The following UGT2B11 variants were observed in gnomAD, a reference collection of about 807,000 sequenced individuals.
UGT2B11 encodes the protein UDP glucuronosyltransferase family 2 member B11.
A neutral mutation model predicts 51.7 loss-of-function variants in UGT2B11; 49 were observed. That is an observed-to-expected ratio of 0.95 (90% CI 0.75 to 1.20). The LOEUF (loss-of-function observed/expected upper bound fraction) is 1.20, where lower values mean the gene tolerates loss of function less well. Among genes scored for constraint, UGT2B11 ranks in the 50% most tolerant of loss-of-function variants. The pLI is 0.00. For missense variants in UGT2B11, 810 were observed against 622.1 expected, an observed-to-expected ratio of 1.30 and a Z score of -3.21; for synonymous variants, 273 against 209.0, an observed-to-expected ratio of 1.31 and a Z score of -2.64.
Position 69,200,312 on chromosome 4 carries a change from A to ATTTTTTTT in UGT2B11, c.*120_*127dup, listed in dbSNP as rs11340393. The ATTTTTTTT allele has an allele frequency of 7.9e-4, 650 of 818,684 alleles. 3 individuals are homozygous for ATTTTTTTT. In the African/African-American group the frequency reaches 9.2e-3, roughly 12 times the overall value. The allele number at this position is 818,684 out of a possible 1,614,324, so 50.7% of individuals were successfully genotyped here. ...TTTACTTGACAAGGTAGATTTGAAA[A>ATTTTTTTT]TTTTTTTTTTTTTTTTTTTTTTGTC... is the stretch of plus-strand genomic sequence containing the variant. On this transcript the variant is annotated 3_prime_UTR_variant, in exon 6 of 6. Coordinates refer to ENST00000446444, the MANE Select transcript of UGT2B11 (RefSeq NM_001073.3).
At chr4:69,206,858 C>T (rs759515361) in intron 3 of UGT2B11, among the ~76,000 whole-genome samples, 7 of 151,380 alleles carry the variant, frequency 4.6e-5, no homozygotes, top group Admixed American at 2.0e-4. Context: ...ATCTACTTGT[C>T]GGTAGGTTAT....
chr4:69,211,636 G>C (rs899152340), intron 2 of UGT2B11, among the ~76,000 whole-genome samples: 19 of 151,576 alleles, frequency 1.3e-4, no homozygotes, highest in Middle Eastern at 3.4e-3. Context: ...AACACAATAT[G>C]AAGTTGGCAC....
In UGT2B11 at chr4:69,200,620, G is replaced by C. The variant is rs746788514; in HGVS notation, c.1410C>G (p.His470Gln). Residue 470 changes from histidine (H) to glutamine (Q), a missense_variant, in exon 6 of 6, where the codon CAC (histidine) becomes CAG (glutamine). Physicochemically the swap from His to Gln is conservative, Grantham distance 24 (BLOSUM62 0). Transcript: ENST00000446444. The part of the protein sequence containing the change: ...AVFWIEFVMP[H>Q]KGAKHLRVAA... ...CAACTCGAAGGTGTTTGGCTCCTTTGTGGGGCATGACAAATTCAATCCAGA... is the reference window on the plus strand; with the variant it reads ...CAACTCGAAGGTGTTTGGCTCCTTTCTGGGGCATGACAAATTCAATCCAGA... 2 of 1,612,446 alleles carry C rather than the reference G, an allele frequency of 1.2e-6. No individual in the cohort carries two copies. Among genetic ancestry groups the C allele is most frequent in the South Asian group, 1.1e-5 (1 of 91,030 alleles).
At chr4:69,210,822 A>T (rs1238901750) in intron 2 of UGT2B11, among the ~76,000 whole-genome samples, 2 of 151,664 alleles carry the variant, frequency 1.3e-5, no homozygotes, top group Non-Finnish European at 3.0e-5. Flanking sequence ...GTAAGCAAAA[A>T]CGTTCTTTTA....
At chr4:69,206,639 GTTAAA>G (rs967464348) in intron 3 of UGT2B11, among the ~76,000 whole-genome samples, 25 of 151,124 alleles carry the variant, frequency 1.7e-4, no homozygotes, top group African/African-American at 5.8e-4. Context: ...AAAAATAAAA[GTTAAA>G]TTAATTTAAT....
chr4:69,213,972 C>T (rs745660489), intron 1 of UGT2B11, 30 bp downstream of exon 1: 3 of 1,525,576 alleles, frequency 2.0e-6, no homozygotes, highest in South Asian at 1.4e-5. Flanking sequence ...TAAGTTAGAT[C>T]TTCACGTTAC....
upstream of UGT2B11, among the ~76,000 whole-genome samples, chr4:69,219,178 G>T (rs1439697614): frequency 6.6e-6 from 1 of 151,818 alleles, no homozygotes; most frequent in East Asian, 1.9e-4. Context: ...TGTTCCCCTG[G>T]TGGCAGTGGC....
At chr4:69,213,821 C>T (rs1263973255) in intron 1 of UGT2B11, among the ~76,000 whole-genome samples, 181 bp downstream of exon 1, 1 of 151,766 alleles carries the variant, frequency 6.6e-6, no homozygotes, top group Non-Finnish European at 1.5e-5. Flanking sequence ...AGGGTTTTAA[C>T]AGACCTTATA....
At chr4:69,204,114 A>T (rs1721759230) in intron 5 of UGT2B11, among the ~76,000 whole-genome samples, 1 of 151,382 alleles carries the variant, frequency 6.6e-6, no homozygotes, top group Non-Finnish European at 1.5e-5. Flanking sequence ...TTATTATATT[A>T]TTTCAAGTTT....
At chr4:69,221,793 T>A in the UGT2B11 span, among the ~76,000 whole-genome samples, 1 of 152,280 alleles carries the variant, frequency 6.6e-6, no homozygotes, top group South Asian at 2.1e-4. Context: ...TGGCCCTCAA[T>A]GGTCAAACTT....
rs1393257201 is a variant in UGT2B11, at chr4:69,214,331, A to G, written c.392T>C (p.Val131Ala). 2.5e-6 allele frequency: 4 copies of G among 1,612,970 alleles called. No homozygotes were observed. The African/African-American group carries it at 5.3e-5, about 22-fold the overall frequency. The change falls in exon 1 of 6, where the codon GTT (valine) becomes GCT (alanine). Residue 131 changes from valine to alanine, a missense_variant. Val to Ala is a moderately conservative substitution (Grantham distance 64). Transcript: ENST00000446444. ...DIFRNFCKDV[V>A]SNKKVMKKLQ... ...TTTTTTCATAACTTTCTTATTTGAA[A>G]CTACATCTTTACAGAAGTTTCTAAA...
At position 69,200,704 on chromosome 4, in the gene UGT2B11, A is replaced by G. The variant is rs1229937834; in HGVS notation, c.1326T>C (p.Ile442=). ...VINDPLYKEN[I]MKLSRIQHDQ... is the part of the protein sequence containing the mutation. ...CATGTTGAATTCTTGATAATTTCATAATATTCTCTTTATATCTGAAGGATA... is the reference window on the plus strand; with the variant it reads ...CATGTTGAATTCTTGATAATTTCATGATATTCTCTTTATATCTGAAGGATA... The change falls in exon 6 of 6, where the codon ATT becomes ATC. Residue 442 remains isoleucine (I), a synonymous_variant. Transcript: ENST00000446444. 1 of 1,611,020 alleles carries G rather than the reference A, an allele frequency of 6.2e-7. No individual in the cohort carries two copies. The highest frequency in any genetic ancestry group is 1.1e-5 in the South Asian group (1 of 90,758).
upstream of UGT2B11, among the ~76,000 whole-genome samples, chr4:69,219,196 G>A (rs1250972041): frequency 2.0e-5 from 3 of 152,024 alleles, no homozygotes; most frequent in Middle Eastern, 3.4e-3. Flanking sequence ...GGCACTTCCT[G>A]ACTGCATCTA....
chr4:69,212,693 C>T lies in UGT2B11; in HGVS notation c.750G>A (p.Met250Ile). The T allele has an allele frequency of 3.7e-6, 6 of 1,609,232 alleles. No homozygotes were observed. Among genetic ancestry groups the T allele is most frequent in the Non-Finnish European group, 5.1e-6 (6 of 1,177,412 alleles). The part of the protein sequence containing the change: ...LGRPTTLFET[M>I]GKADIWLMRN... The stretch of plus-strand genomic sequence containing the variant: ...GCATAAGCCATATGTCAGCTTTTCC[C>T]ATTGTCTCAAATAAGGTAGTGGGTC... The change falls in exon 2 of 6, where the codon ATG (methionine) becomes ATA (isoleucine). Residue 250 changes from methionine to isoleucine, a missense_variant. By Grantham distance (10) the Met-to-Ile change is conservative. Coordinates refer to ENST00000446444, the MANE Select transcript of UGT2B11 (RefSeq NM_001073.3).
At chr4:69,203,761 G>A (rs1388831459) in intron 5 of UGT2B11, among the ~76,000 whole-genome samples, 2 of 151,666 alleles carry the variant, frequency 1.3e-5, no homozygotes, top group Non-Finnish European at 1.5e-5. Context: ...ACCTGAGACT[G>A]TATGATTCCA....
intron 2 of UGT2B11, among the ~76,000 whole-genome samples, chr4:69,209,183 G>A (rs141404755): frequency 0.047 from 7,187 of 151,724 alleles, 190 homozygotes; most frequent in South Asian, 0.12. Context: ...TTTATCATAT[G>A]GAATTGTAGA....
intron 5 of UGT2B11, 72 bp from the exon 6 acceptor site, chr4:69,200,791 G>C (rs1232924004): frequency 5.0e-5 from 71 of 1,412,452 alleles, no homozygotes; most frequent in Non-Finnish European, 6.5e-5. Context: ...GTCTATGAAA[G>C]GCTTTTAAAG....
At chr4:69,211,574 A>G (rs968705715) in intron 2 of UGT2B11, among the ~76,000 whole-genome samples, 1 of 151,602 alleles carries the variant, frequency 6.6e-6, no homozygotes, top group East Asian at 1.9e-4. Context: ...GTCACTGACT[A>G]TATGCCAGAG....
chr4:69,207,518 C>T (rs1721904532), intron 3 of UGT2B11, among the ~76,000 whole-genome samples: 1 of 151,576 alleles, frequency 6.6e-6, no homozygotes, highest in South Asian at 2.1e-4. Flanking sequence ...TGCCTCTCTT[C>T]CTTCTGTTTG....
Sources: gnomAD v4.1 joint callset for allele counts (sites outside exome capture counted in the v4.1 genomes callset) on GRCh38, gnomAD v4.1.1 for gene constraint, MANE v1.5 for transcripts, NCBI Gene and HGNC (gene_info 2026-07-23, HGNC 2026-07-21) for gene names.